CCN4: variants seen among roughly 807,000 people sequenced by gnomAD.
CCN4 encodes cellular communication network factor 4.
Under a neutral mutation model 36.7 loss-of-function variants are expected in CCN4, and 30 were observed. That is an observed-to-expected ratio of 0.82 (90% CI 0.61 to 1.11). The LOEUF (loss-of-function observed/expected upper bound fraction) is 1.11, where lower values mean the gene tolerates loss of function less well. Among genes scored for constraint, CCN4 ranks in the 50% least tolerant of loss-of-function variants. The probability of loss-of-function intolerance (pLI) is 0.00; values close to 1 mark genes in which losing one functional copy is unlikely to be tolerated. For synonymous variants in CCN4, 191 were observed against 195.4 expected (o/e 0.98, Z 0.19); for missense variants, 505 against 504.9 (o/e 1.00, Z 0.00).
intron 1 of CCN4, among the ~76,000 whole-genome samples, chr8:133,191,926 A>T (rs575036659): frequency 2.0e-5 from 3 of 152,248 alleles, no homozygotes; most frequent in African/African-American, 7.2e-5. Flanking sequence ...AGGGTACACC[A>T]AGGGGAAGGG....
intron 1 of CCN4, among the ~76,000 whole-genome samples, chr8:133,192,200 G>A (rs1275226657): frequency 3.3e-5 from 5 of 152,272 alleles, no homozygotes. Flanking sequence ...GGGTTAAGAA[G>A]CCCCCTTCAC....
intron 1 of CCN4, among the ~76,000 whole-genome samples, chr8:133,206,102 A>G (rs1853761517): frequency 6.6e-6 from 1 of 152,174 alleles, no homozygotes; most frequent in South Asian, 2.1e-4. Flanking sequence ...AAACCAGGGT[A>G]CTAGAGGCTG....
intron 1 of CCN4, among the ~76,000 whole-genome samples, chr8:133,194,695 G>GTGT (rs1853284391): frequency 1.3e-5 from 1 of 74,624 alleles, no homozygotes; most frequent in African/African-American, 6.3e-5. Flanking sequence ...GTGTGTGTGT[G>GTGT]GAGGGTGTGT....
intron 1 of CCN4, among the ~76,000 whole-genome samples, chr8:133,202,791 G>GC (rs1853635031): frequency 6.6e-6 from 1 of 152,214 alleles, no homozygotes; most frequent in Non-Finnish European, 1.5e-5. Context: ...TTGAAGGGGA[G>GC]CCCCCACCAG....
intron 1 of CCN4, among the ~76,000 whole-genome samples, chr8:133,205,478 G>A (rs1165636959): frequency 6.6e-6 from 1 of 152,062 alleles, no homozygotes; most frequent in Non-Finnish European, 1.5e-5. Context: ...ACAGAATGAT[G>A]CAGGCTCCAT....
At chr8:133,211,044 T>A (rs1209953609) in intron 1 of CCN4, among the ~76,000 whole-genome samples, 1 of 152,228 alleles carries the variant, frequency 6.6e-6, no homozygotes, top group Non-Finnish European at 1.5e-5. Context: ...ATTGCATCAA[T>A]ATTTACTACA....
At chr8:133,212,358 C>A (rs923912707) in intron 1 of CCN4, among the ~76,000 whole-genome samples, 1 of 151,944 alleles carries the variant, frequency 6.6e-6, no homozygotes. Flanking sequence ...AATAGGTCAG[C>A]GGGCCGAAAC....
chr8:133,227,356 G>A (rs1564269190), intron 4 of CCN4, 55 bp from the exon 5 acceptor site: 1 of 1,534,674 alleles, frequency 6.5e-7, no homozygotes, highest in East Asian at 2.3e-5. Context: ...AGGGGAAGAA[G>A]GTGGTTGTCC....
At chr8:133,191,361 G>T in intron 1 of CCN4, 148 bp downstream of exon 1, 2 of 971,098 alleles carry the variant, frequency 2.1e-6, no homozygotes, top group African/African-American at 1.6e-5. Flanking sequence ...CAGAGCCCAG[G>T]GTGAGGAGTC....
intron 1 of CCN4, 104 bp downstream of exon 1, chr8:133,191,317 T>G: frequency 7.3e-7 from 1 of 1,367,608 alleles, no homozygotes; most frequent in South Asian, 1.4e-5. Context: ...CAGGAAGGTT[T>G]GGGGCTGGAA....
chr8:133,225,929 C>G (rs1038658518), intron 4 of CCN4, among the ~76,000 whole-genome samples: 3 of 152,136 alleles, frequency 2.0e-5, no homozygotes, highest in African/African-American at 7.2e-5. Flanking sequence ...ACACAGCAGC[C>G]ACACTGGGTG....
At position 133,218,568 on chromosome 8, in the gene CCN4, G is replaced by A. The variant is rs16904852; in HGVS notation, c.350-2013G>A. ...TATCCAATAACAGAGACAGTACTTC[G>A]AAAACCTTCATGCCTGCTAGACATT... On this transcript the variant is annotated intron_variant, in intron 2 of 4. Coordinates refer to ENST00000250160, the MANE Select transcript of CCN4 (RefSeq NM_003882.4). Among the ~76,000 whole-genome samples the A allele has an allele frequency of 1.4e-4, 21 of 152,278 alleles. No individual in the cohort carries two copies. The East Asian group carries it at 3.1e-3, about 22-fold the overall frequency.
intron 1 of CCN4, among the ~76,000 whole-genome samples, chr8:133,204,988 C>A (rs1853716990): frequency 6.6e-6 from 1 of 152,198 alleles, no homozygotes; most frequent in Non-Finnish European, 1.5e-5. Context: ...AGTAGAGTGT[C>A]CATTAAAGCC....
intron 1 of CCN4, 145 bp from the exon 2 acceptor site, chr8:133,212,719 G>A: frequency 1.5e-6 from 1 of 679,970 alleles, no homozygotes; most frequent in Non-Finnish European, 2.5e-6. Flanking sequence ...TAAAGGAGAT[G>A]TTTGGCTATC....
intron 1 of CCN4, among the ~76,000 whole-genome samples, chr8:133,207,974 G>T (rs1853841163): frequency 6.8e-6 from 1 of 147,566 alleles, no homozygotes; most frequent in African/African-American, 2.5e-5. Context: ...CACTGATGGT[G>T]CACTCACTAC....
At chr8:133,195,690 C>T (rs937238496) in intron 1 of CCN4, among the ~76,000 whole-genome samples, 3 of 152,304 alleles carry the variant, frequency 2.0e-5, no homozygotes, top group African/African-American at 7.2e-5. Context: ...GGGAACAGGC[C>T]TCCGCCCAAC....
chr8:133,210,400 T>G (rs1371020158), intron 1 of CCN4, among the ~76,000 whole-genome samples: 1 of 130,878 alleles, frequency 7.6e-6, no homozygotes, highest in Non-Finnish European at 1.8e-5. Context: ...TGTGTGTGTG[T>G]GTGTGTGTGT....
rs752881842 is a variant in CCN4, at chr8:133,227,700, T to C, written c.1094T>C (p.Ile365Thr). The C allele has an allele frequency of 1.1e-4, 185 of 1,612,434 alleles. No individual in the cohort carries two copies. Among genetic ancestry groups the C allele is most frequent in the Non-Finnish European group, 1.5e-4 (178 of 1,178,814 alleles). The change falls in exon 5 of 5, where the codon ATT (isoleucine) becomes ACT (threonine). Residue 365 changes from isoleucine to threonine, a missense_variant. Transcript: ENST00000250160. ...DLESYPDFSE[I>T]AN is the part of the protein sequence containing the mutation. ...GAATCCTACCCTGACTTCTCAGAAA[T>C]TGCCAACTAGGCAGGCACAAATCTT...
intron 3 of CCN4, among the ~76,000 whole-genome samples, chr8:133,224,509 T>C (rs1398797412): frequency 6.6e-5 from 10 of 151,986 alleles, no homozygotes; most frequent in Admixed American, 6.5e-4. Flanking sequence ...CAAAGAAGCC[T>C]GTGTGCCCTC....
Sources: allele counts gnomAD v4.1 joint callset (sites outside exome capture counted in the v4.1 genomes callset), GRCh38; gene constraint gnomAD v4.1.1; transcripts MANE v1.5; gene names NCBI Gene and HGNC (gene_info 2026-07-23, HGNC 2026-07-21).